Variants in IQGAP2 observed in about 807,000 individuals in gnomAD.
The protein encoded by IQGAP2 is IQ motif containing GTPase activating protein 2, also known as ras GTPase-activating-like protein IQGAP2.
Under a neutral mutation model 201.3 loss-of-function variants are expected in IQGAP2, and 173 were observed. The ratio of observed to expected loss-of-function variants is 0.86; its 90% CI spans 0.76 to 0.98. The LOEUF is 0.98. Among genes scored for constraint, IQGAP2 ranks in the 50% least tolerant of loss-of-function variants. The pLI is 0.00. For synonymous variants in IQGAP2, 675 were observed against 673.9 expected (o/e 1.00, Z -0.03); for missense variants, 1,687 against 1,864.8 (o/e 0.90, Z 1.76).
intron 9 of IQGAP2, among the ~76,000 whole-genome samples, chr5:76,595,158 T>G (rs983264655): frequency 6.6e-6 from 1 of 151,968 alleles, no homozygotes; most frequent in Non-Finnish European, 1.5e-5. Flanking sequence ...TTATAACCCT[T>G]TACCTTTCAG....
chr5:76,406,911 A>C (rs1196030975), intron 1 of IQGAP2, among the ~76,000 whole-genome samples: 1 of 152,222 alleles, frequency 6.6e-6, no homozygotes, highest in Non-Finnish European at 1.5e-5. Context: ...TCTTTTAAAA[A>C]GTGCAACCTA....
At chr5:76,562,654 G>C (rs565617033) in intron 3 of IQGAP2, 102 bp downstream of exon 3, 7 of 1,067,964 alleles carry the variant, frequency 6.6e-6, no homozygotes, top group African/African-American at 3.2e-5. Flanking sequence ...TAAGGATTTG[G>C]GGGGCTGGGG....
intron 2 of IQGAP2, among the ~76,000 whole-genome samples, chr5:76,482,720 C>T (rs760015811): frequency 1.3e-5 from 2 of 152,140 alleles, no homozygotes; most frequent in Non-Finnish European, 2.9e-5. Context: ...AAATATAGCC[C>T]CTTGGTTATC....
chr5:76,550,618 C>T (rs1743392558), intron 2 of IQGAP2, among the ~76,000 whole-genome samples: 2 of 152,010 alleles, frequency 1.3e-5, no homozygotes, highest in Non-Finnish European at 2.9e-5. Flanking sequence ...GCCCTTAATC[C>T]GTTTAACTCT....
chr5:76,565,730 A>G lies in IQGAP2; in HGVS notation c.303+3178A>G, dbSNP rs183243432. On this transcript the variant is annotated intron_variant, in intron 3 of 35. Transcript: ENST00000274364. ...AAGGAATGAATGACAATAGTTTCAC[A>G]TAAGCCAAAGGATTCCATTCCTTTT... is the stretch of plus-strand genomic sequence containing the variant. 8.5e-5 allele frequency among the ~76,000 whole-genome samples: 13 copies of G among 152,370 alleles called. No homozygotes were observed. The East Asian group carries it at 2.5e-3, about 29-fold the overall frequency.
At chr5:76,647,831 A>ACACACACC (rs1752179620) in intron 17 of IQGAP2, among the ~76,000 whole-genome samples, 3 of 151,430 alleles carry the variant, frequency 2.0e-5, no homozygotes, top group African/African-American at 7.3e-5. Flanking sequence ...CACCACACAC[A>ACACACACC]CACACACACA....
At position 76,677,319 on chromosome 5, in the gene IQGAP2, T is replaced by C. The variant is rs1744909998; in HGVS notation, c.3629T>C (p.Ile1210Thr). The C allele has an allele frequency of 6.2e-7, 1 of 1,613,876 alleles. No individual in the cohort carries two copies. Among genetic ancestry groups the C allele is most frequent in the African/African-American group, 1.3e-5 (1 of 74,924 alleles). Residue 1210 changes from isoleucine to threonine, a missense_variant, in exon 28 of 36, where the codon ATT becomes ACT. Ile to Thr is a moderately conservative substitution (Grantham distance 89). Transcript: ENST00000274364. ...ACAGTCAGCAAACCAGTCATTTATA[T>C]TTCAATTGAAGAAATCATCAGCACA... The part of the protein sequence containing the change: ...LVTVSKPVIY[I>T]SIEEIISTHS...
chr5:76,626,000 G>T (rs1750186132), intron 13 of IQGAP2, among the ~76,000 whole-genome samples: 1 of 152,168 alleles, frequency 6.6e-6, no homozygotes, highest in Non-Finnish European at 1.5e-5. Context: ...CTTAATATCT[G>T]TCAGGGCTGC....
rs199507772 is a variant in IQGAP2 at position 76,511,689 on chromosome 5, T to TTG, written c.146+50021_146+50022insGT. ...TTTTTTTGTTTTGTTTTGTTTTGTTTTTTTTTTTTGAGACGGAGTCTCGCT... is the reference window on the plus strand; with the variant it reads ...TTTTTTTGTTTTGTTTTGTTTTGTTTTGTTTTTTTTTGAGACGGAGTCTCGCT... On this transcript the variant is annotated intron_variant, in intron 2 of 35. Transcript: ENST00000274364. Among the ~76,000 whole-genome samples the TTG allele has an allele frequency of 3.3e-3, 496 of 148,232 alleles. 2 individuals are homozygous for TTG. The highest frequency in any genetic ancestry group is 0.01 in the African/African-American group (405 of 39,456).
At chr5:76,577,055 A>G (rs987912006) in intron 5 of IQGAP2, among the ~76,000 whole-genome samples, 22 of 152,242 alleles carry the variant, frequency 1.4e-4, no homozygotes, top group Admixed American at 1.4e-3. Context: ...ATGAGCTGCT[A>G]AGCCAGCCAC....
intron 2 of IQGAP2, among the ~76,000 whole-genome samples, chr5:76,520,953 C>T (rs890939285): frequency 5.3e-5 from 8 of 151,858 alleles, no homozygotes; most frequent in Admixed American, 4.6e-4. Context: ...ATGTTCCACC[C>T]GCCTCAGCCT....
At chr5:76,633,431 T>G (rs1750867447) in intron 15 of IQGAP2, among the ~76,000 whole-genome samples, 1 of 152,210 alleles carries the variant, frequency 6.6e-6, no homozygotes, top group African/African-American at 2.4e-5. Flanking sequence ...TTTCATTAAA[T>G]TTATTCCTAA....
chr5:76,705,434 G>C (rs1259705138), intron 35 of IQGAP2, among the ~76,000 whole-genome samples: 1 of 152,186 alleles, frequency 6.6e-6, no homozygotes, highest in Non-Finnish European at 1.5e-5. Context: ...ACTAAAGTCT[G>C]CTTTTCAAGT....
intron 1 of IQGAP2, among the ~76,000 whole-genome samples, chr5:76,410,368 C>G (rs1358625151): frequency 2.0e-5 from 3 of 152,072 alleles, no homozygotes; most frequent in Non-Finnish European, 4.4e-5. Context: ...CTGATGCAAC[C>G]CCTTACTGAT....
chr5:76,535,532 A>G (rs1481163715), intron 2 of IQGAP2, among the ~76,000 whole-genome samples: 2 of 152,340 alleles, frequency 1.3e-5, no homozygotes, highest in Non-Finnish European at 2.9e-5. Flanking sequence ...AGATGGCAAC[A>G]GCAGAGCATT....
At chr5:76,437,361 T>A (rs58009063) in intron 1 of IQGAP2, among the ~76,000 whole-genome samples, 3 of 152,200 alleles carry the variant, frequency 2.0e-5, no homozygotes, top group Non-Finnish European at 4.4e-5. Context: ...CCTATCTTTT[T>A]AAAAAATTTT....
At chr5:76,693,796 G>T in intron 31 of IQGAP2, 15 of 162,104 alleles carry the variant, frequency 9.3e-5, no homozygotes, top group East Asian at 1.8e-4. Flanking sequence ...CACATTTTAT[G>T]TATTTACTAA....
chr5:76,577,137 T>G (rs1046861472), intron 5 of IQGAP2, among the ~76,000 whole-genome samples: 1 of 152,260 alleles, frequency 6.6e-6, no homozygotes, highest in Admixed American at 6.5e-5. Flanking sequence ...GCTCGTGGGC[T>G]GTCTCGTATA....
chr5:76,474,736 T>C (rs1755308635), intron 2 of IQGAP2, among the ~76,000 whole-genome samples: 1 of 152,208 alleles, frequency 6.6e-6, no homozygotes, highest in Non-Finnish European at 1.5e-5. Flanking sequence ...TGGATGCTTG[T>C]GTGAGTGCAG....
Sources: gnomAD v4.1 joint callset for allele counts (sites outside exome capture counted in the v4.1 genomes callset) on GRCh38, gnomAD v4.1.1 for gene constraint, MANE v1.5 for transcripts, NCBI Gene and HGNC (gene_info 2026-07-23, HGNC 2026-07-21) for gene names.